USP24: variants seen among roughly 807,000 people sequenced by gnomAD.
The protein encoded by USP24 is ubiquitin specific peptidase 24.
In USP24, 97 loss-of-function variants were observed where a neutral mutation model predicts 361.6. That is an observed-to-expected ratio of 0.27 (90% confidence interval 0.23 to 0.32). The LOEUF (loss-of-function observed/expected upper bound fraction) is 0.32. Among genes scored for constraint, USP24 ranks in the 10% least tolerant of loss-of-function variants. The pLI is 1.00. For synonymous variants in USP24, 1,098 were observed against 1,124.6 expected (o/e 0.98, Z 0.47); for missense variants, 2,353 against 3,165.6 (o/e 0.74, Z 6.16).
rs750638045 is a variant in USP24 at position 55,099,807 on chromosome 1, A to G, written c.5334T>C (p.Phe1778=). ...VREQQDAYEF[F]TSLIDQMDEY... is the part of the protein sequence containing the mutation. ...CATCCATCTGATCAATGAGACTAGT[A>G]AAGAATTCATATGCATCCTGCTGTT... The change falls in exon 45 of 68, where the codon TTT becomes TTC. Residue 1778 remains phenylalanine (F), a synonymous_variant. Coordinates refer to ENST00000294383, the MANE Select transcript of USP24 (RefSeq NM_015306.3). 1.9e-6 allele frequency: 3 copies of G among 1,560,304 alleles called. No homozygotes were observed. The highest frequency in any genetic ancestry group is 1.2e-5 in the South Asian group (1 of 84,650).
chr1:55,184,318 A>T (rs1644065092), intron 1 of USP24, among the ~76,000 whole-genome samples: 1 of 152,184 alleles, frequency 6.6e-6, no homozygotes, highest in Non-Finnish European at 1.5e-5. Flanking sequence ...CAGCCTCCCA[A>T]AGTGCTGGAA....
rs934060416 is a variant in USP24, at chr1:55,188,241, C to T, written c.325-10109G>A. 5.3e-5 allele frequency among the ~76,000 whole-genome samples: 8 copies of T among 152,224 alleles called. No homozygotes were observed. The South Asian group carries it at 1.5e-3, about 28-fold the overall frequency. ...CAAGCAAAAGAATGAAATGACCCCA[C>T]CTCAAGCCACATACAAAAACTAACT... On this transcript the variant is annotated intron_variant, in intron 1 of 67. Coordinates refer to ENST00000294383, the MANE Select transcript of USP24 (RefSeq NM_015306.3).
intron 17 of USP24, 21 bp downstream of exon 17, chr1:55,148,441 TA>T (rs1483068527): frequency 2.0e-6 from 3 of 1,513,320 alleles, no homozygotes; most frequent in African/African-American, 2.8e-5. Flanking sequence ...ACTATAATAA[TA>T]AAAAATAGCT....
At chr1:55,072,502 G>T in intron 65 of USP24, 99 bp from the exon 66 acceptor site, 2 of 1,012,848 alleles carry the variant, frequency 2.0e-6, no homozygotes, top group Non-Finnish European at 2.9e-6. Context: ...AGCATCCCAA[G>T]TAGGGTACAA....
chr1:55,201,600 CAAAAAAAAAAAAAAAAA>C (rs56659823), intron 1 of USP24, among the ~76,000 whole-genome samples: 30 of 35,450 alleles, frequency 8.5e-4, no homozygotes, highest in Non-Finnish European at 1.8e-4. Flanking sequence ...GACTCCATCT[CAAAAAAAAAAAAAAAAA>C]AAAAAAAAAA....
chr1:55,072,510 C>A, intron 65 of USP24, 107 bp from the exon 66 acceptor site: 1 of 913,708 alleles, frequency 1.1e-6, no homozygotes, highest in African/African-American at 1.7e-5. Flanking sequence ...AAGTAGGGTA[C>A]AAGTCTACCC....
At position 55,077,259 on chromosome 1, in the gene USP24, C is replaced by T. The variant is rs757428170; in HGVS notation, c.7356G>A (p.Thr2452=). 28 of 1,559,090 alleles carry T rather than the reference C, an allele frequency of 1.8e-5. No homozygotes were observed. The highest frequency in any genetic ancestry group is 6.8e-5 in the African/African-American group (5 of 74,048). The change falls in exon 62 of 68, where the codon ACG becomes ACA. Residue 2452 remains threonine, a synonymous_variant. Coordinates refer to ENST00000294383, the MANE Select transcript of USP24 (RefSeq NM_015306.3). The stretch of plus-strand genomic sequence containing the variant: ...CCAATATTTCATGAAGTAGTTGGAA[C>T]GTATTCTTTAACTCATGAGGTGGAG... ...ETAPPHELKN[T]FQLLHEILVI...
In USP24 at chr1:55,149,351, A is replaced by T. The variant is rs140127445; in HGVS notation, c.1861-781T>A. Among the ~76,000 whole-genome samples, 4 of 152,284 alleles carry T rather than the reference A, an allele frequency of 2.6e-5. No individual in the cohort carries two copies. In the East Asian group the frequency reaches 7.7e-4, roughly 29 times the overall value. On this transcript the variant is annotated intron_variant, in intron 16 of 67. Coordinates refer to ENST00000294383, the MANE Select transcript of USP24 (RefSeq NM_015306.3). The stretch of plus-strand genomic sequence containing the variant: ...ACATGACTATTAAATCTCTAACCAA[A>T]AAGCTGAGTAAAAACTTAAGTCCTC...
chr1:55,166,097 A>G (rs569798274), intron 6 of USP24, 147 bp from the exon 7 acceptor site: 1 of 581,716 alleles, frequency 1.7e-6, no homozygotes, highest in South Asian at 3.5e-5. Context: ...TAAGCACATC[A>G]TGGAGAATGG....
chr1:55,190,998 A>T (rs1054972433), intron 1 of USP24, among the ~76,000 whole-genome samples: 2 of 152,230 alleles, frequency 1.3e-5, no homozygotes, highest in African/African-American at 4.8e-5. Flanking sequence ...CTTCATTTAA[A>T]ATTGAAAAAT....
intron 57 of USP24, among the ~76,000 whole-genome samples, 167 bp downstream of exon 57, chr1:55,083,605 A>C (rs1645194111): frequency 6.6e-6 from 1 of 152,208 alleles, no homozygotes; most frequent in African/African-American, 2.4e-5. Flanking sequence ...TCAATGAGTA[A>C]CTATACCCAC....
chr1:55,135,937 T>C (rs559294874), intron 28 of USP24, among the ~76,000 whole-genome samples: 2 of 152,312 alleles, frequency 1.3e-5, no homozygotes, highest in East Asian at 1.9e-4. Context: ...CATTGAAATA[T>C]TGATTGAGTA....
chr1:55,154,447 T>C lies in USP24; in HGVS notation c.1574A>G (p.Asp525Gly). ...LIQKSWETES[D>G]RVRQKLLSLI... ...GCTCAAAAGCTTCTGTCTTACTCTA[T>C]CACTCTCAGTCTCCCAGCTCTGTAG... The change falls in exon 14 of 68, where the codon GAT becomes GGT. Residue 525 changes from aspartate (D) to glycine (G), a missense_variant. Physicochemically the swap from Asp to Gly is moderately conservative, Grantham distance 94. Around this residue, in one of 8 missense-constraint regions of USP24, gnomAD observed 386 missense variants for 560.5 expected, o/e 0.69. Coordinates refer to ENST00000294383, the MANE Select transcript of USP24 (RefSeq NM_015306.3). The C allele has an allele frequency of 6.4e-6, 10 of 1,551,444 alleles. No individual in the cohort carries two copies. The highest frequency in any genetic ancestry group is 8.7e-6 in the Non-Finnish European group (10 of 1,146,814).
chr1:55,176,290 C>A, intron 3 of USP24, 86 bp downstream of exon 3: 2 of 1,256,296 alleles, frequency 1.6e-6, no homozygotes, highest in Non-Finnish European at 2.2e-6. Context: ...ACATAAAAAA[C>A]TAAAATTAAA....
intron 16 of USP24, among the ~76,000 whole-genome samples, chr1:55,152,179 T>C (rs558869063): frequency 6.6e-6 from 1 of 152,272 alleles, no homozygotes; most frequent in East Asian, 1.9e-4. Flanking sequence ...AATGAAATAA[T>C]GGTACACCAG....
intron 53 of USP24, among the ~76,000 whole-genome samples, chr1:55,092,343 T>G (rs1330276791): frequency 6.6e-6 from 1 of 152,244 alleles, no homozygotes; most frequent in Non-Finnish European, 1.5e-5. Context: ...TCTTCATTTC[T>G]TTTATGAAAT....
At position 55,158,954 on chromosome 1, in the gene USP24, T is replaced by C. The variant is rs529133449; in HGVS notation, c.1151A>G (p.Asp384Gly). 1.9e-6 allele frequency: 3 copies of C among 1,600,350 alleles called. No individual in the cohort carries two copies. Among genetic ancestry groups the C allele is most frequent in the South Asian group, 1.1e-5 (1 of 88,622 alleles). Residue 384 changes from aspartate to glycine, a missense_variant, in exon 10 of 68, where the codon GAT becomes GGT. Physicochemically the swap from Asp to Gly is moderately conservative, Grantham distance 94. This residue lies in a region of USP24 where 386 missense variants were observed against 560.5 expected (regional missense o/e 0.69). Coordinates refer to ENST00000294383, the MANE Select transcript of USP24 (RefSeq NM_015306.3). ...CAATAGAATATCTAGTCGAAGGTCA[T>C]CCACAATTGTCACCAGATCCGGTTG... ...RFQPDLVTIV[D>G]DLRLDILLRM...
At chr1:55,086,636 T>C (rs1645257566) in intron 55 of USP24, among the ~76,000 whole-genome samples, 2 of 152,252 alleles carry the variant, frequency 1.3e-5, no homozygotes, top group Admixed American at 6.5e-5. Flanking sequence ...GGAATTATAT[T>C]AATTTTGTTG....
intron 1 of USP24, among the ~76,000 whole-genome samples, chr1:55,198,696 T>C (rs1569763479): frequency 6.6e-6 from 1 of 152,186 alleles, no homozygotes; most frequent in Non-Finnish European, 1.5e-5. Flanking sequence ...GTTTCATCTA[T>C]AAAATGAAAA....
Sources: gnomAD v4.1 joint callset for allele counts (sites outside exome capture counted in the v4.1 genomes callset) on GRCh38, gnomAD v4.1.1 for gene constraint, gnomAD v4.1.1 regional missense constraint, MANE v1.5 for transcripts, NCBI Gene and HGNC (gene_info 2026-07-23, HGNC 2026-07-21) for gene names.